Variants in NEU3 observed in about 807,000 individuals in gnomAD.
NEU3 encodes neuraminidase 3, also known as sialidase-3.
In NEU3, 10 loss-of-function variants were observed where a neutral mutation model predicts 11.4. The ratio of observed to expected loss-of-function variants is 0.88; its 90% confidence interval spans 0.54 to 1.49. The LOEUF (loss-of-function observed/expected upper bound fraction) is 1.49. NEU3 is among the 40% of genes most tolerant of loss of function. The probability of loss-of-function intolerance (pLI) is 0.00; values close to 1 mark genes in which losing one functional copy is unlikely to be tolerated. For synonymous variants in NEU3, 212 were observed against 228.2 expected (o/e 0.93, Z 0.64); for missense variants, 529 against 581.8 (o/e 0.91, Z 0.93).
intron 1 of NEU3, among the ~76,000 whole-genome samples, chr11:74,991,892 G>C (rs764587052): frequency 5.3e-5 from 8 of 152,188 alleles, no homozygotes; most frequent in Non-Finnish European, 7.3e-5. Flanking sequence ...CATAGTTCTA[G>C]GTGTCAAGGC....
chr11:74,990,087 G>C, intron 1 of NEU3: 1 of 679,550 alleles, frequency 1.5e-6, no homozygotes, highest in Non-Finnish European at 2.7e-6. Flanking sequence ...TGATAATAAA[G>C]CATAAATGAA....
rs1948700494 is a variant in NEU3 at position 74,989,067 on chromosome 11, CCTG to C, written c.9_11del (p.Ala4del). The C allele has an allele frequency of 6.5e-7, 1 of 1,550,342 alleles. No homozygotes were observed. Among genetic ancestry groups the C allele is most frequent in the East Asian group, 2.4e-5 (1 of 40,828 alleles). The stretch of plus-strand genomic sequence containing the variant: ...CTCTTCCGGGCTTCGGCGAATGAGA[CCTG>C]CGGACCTGCCCCCGCGCCCCATGGA... On this transcript the variant is annotated inframe_deletion, in exon 1 of 3. Transcript: ENST00000294064.
upstream of NEU3, among the ~76,000 whole-genome samples, chr11:74,987,745 G>A (rs1000152639): frequency 5.9e-4 from 89 of 152,018 alleles, no homozygotes; most frequent in Admixed American, 9.2e-4. Context: ...CCCGGGAGGC[G>A]GAGCTTGCAG....
rs1948911616 is a variant in NEU3 at position 75,007,603 on chromosome 11, A to G, written c.*1111A>G. The G allele has an allele frequency of 6.6e-6, 1 of 152,204 alleles. No individual in the cohort carries two copies. Among genetic ancestry groups the G allele is most frequent in the South Asian group, 2.1e-4 (1 of 4,832 alleles). The allele number at this position is 152,204 out of a possible 1,614,324, so 9.4% of individuals were successfully genotyped here. Reference sequence around the variant, plus strand: ...TACCTGTGAGAAGATCTTCACCATTAGGAAGATCTCTAGACCCCCAGATCT... The same window carrying G: ...TACCTGTGAGAAGATCTTCACCATTGGGAAGATCTCTAGACCCCCAGATCT... On this transcript the variant is annotated 3_prime_UTR_variant, in exon 3 of 3. Coordinates refer to ENST00000294064, the MANE Select transcript of NEU3 (RefSeq NM_006656.6).
chr11:75,017,701 C>T (rs184536849), intron 3 of NEU3, among the ~76,000 whole-genome samples: 1 of 152,224 alleles, frequency 6.6e-6, no homozygotes, highest in East Asian at 1.9e-4. Flanking sequence ...TGACCTGGGC[C>T]TGTGAGCCAG....
At position 75,008,949 on chromosome 11, in the gene NEU3, T is replaced by G. The variant is rs544641096; in HGVS notation, c.*2457T>G. ...ACGCAGAGATGTATAATACCAGTAC[T>G]CATAAGAGGTCCATCTCTAAATTGC... is the stretch of plus-strand genomic sequence containing the variant. On this transcript the variant is annotated 3_prime_UTR_variant, in exon 3 of 3. Coordinates refer to ENST00000294064, the MANE Select transcript of NEU3 (RefSeq NM_006656.6). 5.3e-5 allele frequency: 8 copies of G among 152,240 alleles called. No individual in the cohort carries two copies. Among genetic ancestry groups the G allele is most frequent in the African/African-American group, 1.9e-4 (8 of 41,536 alleles). 9.4% of individuals were successfully genotyped at this position (152,240 alleles called of 1,614,324 possible). A position where few individuals can be genotyped will look rare whatever the true frequency, so the allele number is the denominator to read the frequency against.
chr11:74,994,517 G>A lies in NEU3; in HGVS notation c.103G>A (p.Glu35Lys). The A allele has an allele frequency of 6.2e-7, 1 of 1,608,908 alleles. No homozygotes were observed. Residue 35 changes from glutamate (E) to lysine (K), a missense_variant, in exon 2 of 3, where the codon GAA becomes AAA. Physicochemically the swap from Glu to Lys is moderately conservative, Grantham distance 56 (BLOSUM62 1). Coordinates refer to ENST00000294064, the MANE Select transcript of NEU3 (RefSeq NM_006656.6). ...EEPGSSAEVMEEVTTCSFNSP... is the reference protein window; with the variant it reads ...EEPGSSAEVMKEVTTCSFNSP... ...TCCTTCTATCCTTGCAGAGGTCATGGAAGAAGTGACAACATGCTCCTTCAA... is the reference window on the plus strand; with the variant it reads ...TCCTTCTATCCTTGCAGAGGTCATGAAAGAAGTGACAACATGCTCCTTCAA...
chr11:74,998,902 C>T (rs1948817441), intron 2 of NEU3, among the ~76,000 whole-genome samples: 2 of 152,238 alleles, frequency 1.3e-5, no homozygotes, highest in South Asian at 4.1e-4. Context: ...TAGCTCTTTC[C>T]TTTCTTCTAG....
At chr11:74,998,995 A>G (rs1203818626) in intron 2 of NEU3, among the ~76,000 whole-genome samples, 2 of 151,996 alleles carry the variant, frequency 1.3e-5, no homozygotes, top group Non-Finnish European at 2.9e-5. Flanking sequence ...TTTTAATCCT[A>G]TTTTTTAGAG....
chr11:74,994,252 C>G (rs567473463), intron 1 of NEU3, among the ~76,000 whole-genome samples: 1 of 152,248 alleles, frequency 6.6e-6, no homozygotes, highest in African/African-American at 2.4e-5. Flanking sequence ...CCGCTCTGCT[C>G]CAAGATACAT....
At chr11:74,997,961 G>A (rs186282832) in intron 2 of NEU3, among the ~76,000 whole-genome samples, 28 of 152,256 alleles carry the variant, frequency 1.8e-4, no homozygotes, top group African/African-American at 6.5e-4. Context: ...TGCCTTCCTC[G>A]TAAGTTTAAT....
At chr11:74,989,290 C>A in intron 1 of NEU3, 136 bp downstream of exon 1, 2 of 687,502 alleles carry the variant, frequency 2.9e-6, no homozygotes, top group Admixed American at 5.9e-5. Context: ...TAGGATCTGA[C>A]CTGGCCAGAG....
chr11:75,002,843 C>G (rs11236282), intron 2 of NEU3, among the ~76,000 whole-genome samples: 3 of 152,092 alleles, frequency 2.0e-5, no homozygotes, highest in South Asian at 2.1e-4. Context: ...TTCTTTTGGT[C>G]TGGCTTTTGT....
intron 2 of NEU3, among the ~76,000 whole-genome samples, chr11:75,002,153 T>G (rs1303120276): frequency 6.6e-6 from 1 of 152,134 alleles, no homozygotes; most frequent in Non-Finnish European, 1.5e-5. Context: ...CTCCTGGACT[T>G]AAGTGATTCT....
At chr11:75,011,751 C>CCAT (rs1181556386), downstream of NEU3, among the ~76,000 whole-genome samples, 2 of 152,142 alleles carry the variant, frequency 1.3e-5, no homozygotes, top group Non-Finnish European at 2.9e-5. Flanking sequence ...ATTTAAGTAC[C>CCAT]CATCCTCACA....
In NEU3 at chr11:75,005,999, G is replaced by A; in HGVS notation, c.893G>A (p.Arg298Lys). The change falls in exon 3 of 3, where the codon AGA becomes AAA. Residue 298 changes from arginine (R) to lysine (K), a missense_variant. Transcript: ENST00000294064. ...LSTDHGEGFQ[R>K]LALSRQLCEP... Reference sequence around the variant, plus strand: ...ACTGACCATGGTGAAGGCTTTCAGAGACTGGCCCTGAGTCGACAGCTCTGT... The same window carrying A: ...ACTGACCATGGTGAAGGCTTTCAGAAACTGGCCCTGAGTCGACAGCTCTGT... 6.2e-7 allele frequency: 1 copy of A among 1,613,992 alleles called. No individual in the cohort carries two copies. The highest frequency in any genetic ancestry group is 8.5e-7 in the Non-Finnish European group (1 of 1,179,892).
At chr11:75,012,647 A>G (rs1565500165), downstream of NEU3, among the ~76,000 whole-genome samples, 1 of 152,300 alleles carries the variant, frequency 6.6e-6, no homozygotes, top group South Asian at 2.1e-4. Context: ...GCGACTTTGC[A>G]CTTGTGTTGA....
intron 3 of NEU3, among the ~76,000 whole-genome samples, chr11:75,015,927 G>A (rs1212972893): frequency 6.6e-6 from 1 of 152,180 alleles, no homozygotes; most frequent in Non-Finnish European, 1.5e-5. Context: ...CTGGACAAGT[G>A]GGCACAGGAT....
At chr11:74,985,294 AT>A (rs1948658927), upstream of NEU3, among the ~76,000 whole-genome samples, 1 of 152,172 alleles carries the variant, frequency 6.6e-6, no homozygotes, top group African/African-American at 2.4e-5. Flanking sequence ...TATATTACCA[AT>A]ACAGTTGAAG....
Sources: gnomAD v4.1 joint callset for allele counts (sites outside exome capture counted in the v4.1 genomes callset) on GRCh38, gnomAD v4.1.1 for gene constraint, MANE v1.5 for transcripts, NCBI Gene and HGNC (gene_info 2026-07-23, HGNC 2026-07-21) for gene names.